Variants in SLC25A26 observed in about 807,000 individuals in gnomAD.
SLC25A26 encodes the protein mitochondrial S-adenosylmethionine carrier protein.
A neutral mutation model predicts 37.8 loss-of-function variants in SLC25A26; 36 were observed. That is an observed-to-expected ratio of 0.95 (90% CI 0.73 to 1.26). SLC25A26 has a LOEUF of 1.26. Ranked by LOEUF, SLC25A26 falls within the 50% of genes most tolerant of loss-of-function variation. SLC25A26 has a pLI of 0.00. For missense variants in SLC25A26, 390 were observed against 331.1 expected (o/e 1.18, Z -1.38); for synonymous variants, 129 against 122.5 (o/e 1.05, Z -0.35).
intron 5 of SLC25A26, among the ~76,000 whole-genome samples, chr3:66,293,679 T>A (rs1184256788): frequency 6.6e-6 from 1 of 152,220 alleles, no homozygotes; most frequent in Non-Finnish European, 1.5e-5. Flanking sequence ...CAAAGGATAA[T>A]GGCCTCTAGC....
At chr3:66,296,408 A>G (rs992030950) in intron 5 of SLC25A26, among the ~76,000 whole-genome samples, 1 of 152,214 alleles carries the variant, frequency 6.6e-6, no homozygotes, top group African/African-American at 2.4e-5. Context: ...TTTTCCTGAT[A>G]TACATGCATT....
intron 5 of SLC25A26, among the ~76,000 whole-genome samples, chr3:66,283,291 C>A: frequency 6.6e-6 from 1 of 151,956 alleles, no homozygotes; most frequent in Non-Finnish European, 1.5e-5. Context: ...TCTTTTCTTT[C>A]TTTTTTCTTG....
intron 5 of SLC25A26, among the ~76,000 whole-genome samples, chr3:66,269,364 G>T (rs1003470766): frequency 4.6e-5 from 7 of 152,156 alleles, no homozygotes; most frequent in African/African-American, 1.7e-4. Context: ...AAGCTCTTCA[G>T]CTATAATGAG....
intron 6 of SLC25A26, among the ~76,000 whole-genome samples, chr3:66,361,616 G>A (rs904814182): frequency 2.0e-5 from 3 of 152,196 alleles, no homozygotes; most frequent in Admixed American, 1.3e-4. Flanking sequence ...ACAGTATGTT[G>A]TGGATGGCAG....
chr3:66,282,157 G>T (rs866742109), intron 5 of SLC25A26, among the ~76,000 whole-genome samples: 1 of 151,874 alleles, frequency 6.6e-6, no homozygotes, highest in African/African-American at 2.4e-5. Context: ...GACTACAGGC[G>T]CCTGCCACCG....
At chr3:66,141,494 C>T (rs565553349) in intron 1 of SLC25A26, among the ~76,000 whole-genome samples, 39 of 149,570 alleles carry the variant, frequency 2.6e-4, no homozygotes, top group Non-Finnish European at 5.2e-4. Flanking sequence ...TTGATGAAAG[C>T]AAATCTTTGA....
chr3:66,192,226 G>C (rs2070957062), intron 1 of SLC25A26, among the ~76,000 whole-genome samples: 1 of 146,570 alleles, frequency 6.8e-6, no homozygotes, highest in South Asian at 2.1e-4. Flanking sequence ...TGAGGCAGGA[G>C]AATCGCTTGC....
At position 66,233,439 on chromosome 3, in the gene SLC25A26, A is replaced by G. The variant is rs528367321; in HGVS notation, c.34-3105A>G. Among the ~76,000 whole-genome samples, 10 of 149,160 alleles carry G rather than the reference A, an allele frequency of 6.7e-5. No individual in the cohort carries two copies. In the South Asian group the frequency reaches 2.1e-3, roughly 31 times the overall value. On this transcript the variant is annotated intron_variant, in intron 1 of 9. Coordinates refer to ENST00000354883, the MANE Select transcript of SLC25A26 (RefSeq NM_001379210.1). ...AGAACTTTTCGGTATAAGCTACCAT[A>G]AATTATGAAATGAATCACTTGCCTG...
chr3:66,180,692 T>A (rs139400317), intron 1 of SLC25A26, among the ~76,000 whole-genome samples: 19,240 of 151,428 alleles, frequency 0.13, 1,367 homozygotes, highest in African/African-American at 0.18. Context: ...GAGATTTTTT[T>A]AAAAAATCCT....
In SLC25A26 at chr3:66,175,741, G is replaced by A. The variant is rs564347635; in HGVS notation, c.-354+41757G>A. The stretch of plus-strand genomic sequence containing the variant: ...GTCTCAGATAAAAGGCAGCGAGGCA[G>A]AAGGAATTCTCTCTTACTCTAGGGA... On this transcript the variant is annotated intron_variant, in intron 1 of 10. Coordinates refer to the SLC25A26 transcript ENST00000676754. 5.3e-5 allele frequency among the ~76,000 whole-genome samples: 8 copies of A among 152,314 alleles called. No homozygotes were observed. In the East Asian group the frequency reaches 1.5e-3, roughly 29 times the overall value.
intron 5 of SLC25A26, among the ~76,000 whole-genome samples, chr3:66,288,862 A>G (rs2074605707): frequency 6.6e-6 from 1 of 152,202 alleles, no homozygotes; most frequent in Non-Finnish European, 1.5e-5. Context: ...TTGCTGGGTC[A>G]AATGGTATTT....
At chr3:66,168,175 A>G (rs1193142457) in intron 1 of SLC25A26, among the ~76,000 whole-genome samples, 21 of 59,232 alleles carry the variant, frequency 3.5e-4, no homozygotes, top group East Asian at 2.6e-3. Flanking sequence ...ATATATATAT[A>G]TGTGTGTGTG....
chr3:66,325,731 G>C (rs753712988), intron 5 of SLC25A26, among the ~76,000 whole-genome samples: 10 of 152,162 alleles, frequency 6.6e-5, no homozygotes, highest in Non-Finnish European at 1.3e-4. Flanking sequence ...AGGAGGGCCC[G>C]GTTATGGGAA....
chr3:66,312,716 T>A (rs565426074), intron 5 of SLC25A26, among the ~76,000 whole-genome samples: 48 of 152,248 alleles, frequency 3.2e-4, no homozygotes, highest in Middle Eastern at 6.8e-3. Context: ...CCATTCCTCA[T>A]GACACAGTCC....
At chr3:66,181,780 CTT>C (rs922019884) in intron 1 of SLC25A26, among the ~76,000 whole-genome samples, 21 of 97,052 alleles carry the variant, frequency 2.2e-4, no homozygotes, top group South Asian at 1.2e-3. Context: ...CTCCCCTTGT[CTT>C]TTTTTTTTTT....
intron 1 of SLC25A26, among the ~76,000 whole-genome samples, chr3:66,150,508 A>T (rs1292723078): frequency 2.7e-4 from 32 of 120,270 alleles, no homozygotes; most frequent in African/African-American, 3.3e-4. Flanking sequence ...AAGACAAAAA[A>T]ATATATATAT....
At chr3:66,277,522 A>C (rs1314703165) in intron 5 of SLC25A26, among the ~76,000 whole-genome samples, 2 of 152,074 alleles carry the variant, frequency 1.3e-5, no homozygotes, top group African/African-American at 4.8e-5. Context: ...GTACAGCATG[A>C]AAAGTGATGG....
chr3:66,214,205 T>C (rs1272027484), intron 1 of SLC25A26, among the ~76,000 whole-genome samples: 1 of 152,004 alleles, frequency 6.6e-6, no homozygotes, highest in Non-Finnish European at 1.5e-5. Context: ...AGCTGGTTGT[T>C]AAAAAGAGCC....
At chr3:66,326,713 C>T (rs1039142232) in intron 5 of SLC25A26, among the ~76,000 whole-genome samples, 28 of 152,134 alleles carry the variant, frequency 1.8e-4, no homozygotes, top group African/African-American at 6.5e-4. Flanking sequence ...AATTTTCCAC[C>T]CCCACACCCT....
Sources: gnomAD v4.1 joint callset for allele counts (sites outside exome capture counted in the v4.1 genomes callset) on GRCh38, gnomAD v4.1.1 for gene constraint, MANE v1.5 for transcripts, NCBI Gene and HGNC (gene_info 2026-07-23, HGNC 2026-07-21) for gene names.